The following USP32 variants were observed in gnomAD, a reference collection of about 807,000 sequenced individuals.
USP32 encodes ubiquitin carboxyl-terminal hydrolase 32.
USP32 carries 59 observed loss-of-function variants against 204.8 expected under a neutral mutation model. That is an observed-to-expected ratio of 0.29 (90% CI 0.23 to 0.36). USP32 has a LOEUF of 0.36. USP32 is among the 10% of genes least tolerant of loss of function. USP32 has a pLI of 1.00. For synonymous variants in USP32, 517 were observed against 678.4 expected (o/e 0.76, Z 3.70); for missense variants, 1,160 against 1,946.4 (o/e 0.60, Z 7.60).
Position 60,392,073 on chromosome 17 carries a change from G to C in USP32, c.-134C>G. On this transcript the variant is annotated 5_prime_UTR_variant, in exon 1 of 34. Transcript: ENST00000300896. ...CCCCCACCTCCCCCCACACTAACAA[G>C]TGCGGCTTCTGCCCCGGCGGCTCCT... 1.0e-6 allele frequency: 1 copy of C among 974,636 alleles called. No individual in the cohort carries two copies. The highest frequency in any genetic ancestry group is 1.4e-6 in the Non-Finnish European group (1 of 704,598). 60.4% of individuals were successfully genotyped at this position (974,636 alleles called of 1,614,324 possible). A position where few individuals can be genotyped will look rare whatever the true frequency, so the allele number is the denominator to read the frequency against.
At chr17:60,364,668 A>G (rs1478862102) in intron 1 of USP32, among the ~76,000 whole-genome samples, 1 of 152,208 alleles carries the variant, frequency 6.6e-6, no homozygotes, top group African/African-American at 2.4e-5. Flanking sequence ...GAGCCACCAC[A>G]CTCAGCAGCC....
intron 9 of USP32, among the ~76,000 whole-genome samples, chr17:60,259,364 G>A (rs1354876523): frequency 3.9e-5 from 6 of 151,954 alleles, no homozygotes; most frequent in African/African-American, 1.2e-4. Context: ...AACAATTCAC[G>A]TAACAATGCT....
intron 9 of USP32, chr17:60,258,404 T>C (rs935840009): frequency 1.4e-4 from 23 of 169,570 alleles, no homozygotes; most frequent in African/African-American, 4.1e-4. Flanking sequence ...AAAGGGAAGG[T>C]CTTTTAAACT....
chr17:60,190,457 T>C, intron 29 of USP32, 106 bp downstream of exon 29: 1 of 1,414,804 alleles, frequency 7.1e-7, no homozygotes. Context: ...AATGAAGGTT[T>C]TTCTGGTTGT....
At position 60,198,449 on chromosome 17, in the gene USP32, ATG is replaced by A; in HGVS notation, c.3250-7_3250-6del. 6.2e-7 allele frequency: 1 copy of A among 1,613,544 alleles called. No individual in the cohort carries two copies. Among genetic ancestry groups the A allele is most frequent in the Non-Finnish European group, 8.5e-7 (1 of 1,179,824 alleles). On this transcript the variant is annotated splice_region_variant and splice_polypyrimidine_tract_variant and intron_variant, in intron 26 of 33. Transcript: ENST00000300896. ...GAAATACAGTTCTGTCCTCATCTGT[ATG>A]TACAAACAAGAGAATAGAGAGTTCA...
intron 2 of USP32, among the ~76,000 whole-genome samples, chr17:60,323,189 CA>C (rs1362144333): frequency 6.6e-6 from 1 of 151,952 alleles, no homozygotes; most frequent in Admixed American, 6.6e-5. Flanking sequence ...CAAAGGTATA[CA>C]AATGTTCACA....
intron 27 of USP32, 132 bp from the exon 28 acceptor site, chr17:60,193,062 T>C: frequency 1.1e-6 from 1 of 881,538 alleles, no homozygotes; most frequent in South Asian, 1.6e-5. Context: ...GACAGCTCAA[T>C]GTTACTTACC....
At chr17:60,333,904 T>C (rs1011041795) in intron 2 of USP32, among the ~76,000 whole-genome samples, 2 of 152,182 alleles carry the variant, frequency 1.3e-5, no homozygotes, top group African/African-American at 4.8e-5. Context: ...TTCAATTTTT[T>C]CCTATAATGT....
chr17:60,403,311 C>T (rs757276503), intron 1 of USP32, among the ~76,000 whole-genome samples: 5 of 152,200 alleles, frequency 3.3e-5, no homozygotes, highest in Non-Finnish European at 5.9e-5. Context: ...CCACTGCGCC[C>T]AGCCAAGCTG....
At chr17:60,233,555 A>G (rs1205954390) in intron 12 of USP32, among the ~76,000 whole-genome samples, 1 of 152,146 alleles carries the variant, frequency 6.6e-6, no homozygotes, top group Non-Finnish European at 1.5e-5. Context: ...TATTACTCTA[A>G]TTTTACACAT....
intron 1 of USP32, among the ~76,000 whole-genome samples, chr17:60,404,385 C>T (rs568449394): frequency 2.0e-5 from 3 of 152,090 alleles, no homozygotes; most frequent in Admixed American, 6.5e-5. Context: ...TAATGTGATG[C>T]ACATGGAAGA....
At chr17:60,373,950 C>T (rs545735818) in intron 1 of USP32, among the ~76,000 whole-genome samples, 31 of 151,906 alleles carry the variant, frequency 2.0e-4, no homozygotes, top group African/African-American at 3.6e-4. Flanking sequence ...TTTGGGAGGC[C>T]GAGGTGGGCG....
At chr17:60,269,664 T>C in intron 6 of USP32, 107 bp from the exon 7 acceptor site, 1 of 847,632 alleles carries the variant, frequency 1.2e-6, no homozygotes, top group East Asian at 3.0e-5. Flanking sequence ...TGACTGAATT[T>C]TTTTTTAAGT....
chr17:60,230,236 A>G (rs892418069), intron 12 of USP32, among the ~76,000 whole-genome samples: 2 of 152,216 alleles, frequency 1.3e-5, no homozygotes, highest in African/African-American at 4.8e-5. Context: ...AAGGAGTAAT[A>G]TTTGGAATTG....
intron 29 of USP32, among the ~76,000 whole-genome samples, chr17:60,188,523 CATAA>C (rs2084302227): frequency 6.6e-6 from 1 of 152,050 alleles, no homozygotes; most frequent in African/African-American, 2.4e-5. Flanking sequence ...AGCTTGTTCC[CATAA>C]ATGTTAGCAA....
intron 2 of USP32, among the ~76,000 whole-genome samples, chr17:60,306,154 T>C (rs2087717609): frequency 6.6e-6 from 1 of 152,192 alleles, no homozygotes; most frequent in East Asian, 1.9e-4. Flanking sequence ...CTTTAACATT[T>C]AGAGAATATT....
rs973230937 is a variant in USP32 at position 60,367,126 on chromosome 17, C to G, written c.59-21518G>C. ...ACAGGCGTGAGCCACCGCGCCTAGC[C>G]TAAGCCCACTTTTGAAAAGAATCTC... On this transcript the variant is annotated intron_variant, in intron 1 of 33. Coordinates refer to ENST00000300896, the MANE Select transcript of USP32 (RefSeq NM_032582.4). Among the ~76,000 whole-genome samples the G allele has an allele frequency of 3.3e-5, 5 of 152,296 alleles. No homozygotes were observed. In the South Asian group the frequency reaches 1.0e-3, roughly 32 times the overall value.
At chr17:60,226,732 TG>T (rs1389407966) in intron 12 of USP32, among the ~76,000 whole-genome samples, 2 of 152,144 alleles carry the variant, frequency 1.3e-5, no homozygotes, top group African/African-American at 2.4e-5. Context: ...GAGTGGTGTA[TG>T]TACATAGAGT....
Position 60,223,411 on chromosome 17 carries a change from C to A in USP32, c.1608G>T (p.Lys536Asn). The A allele has an allele frequency of 1.9e-6, 3 of 1,603,002 alleles. No homozygotes were observed. The highest frequency in any genetic ancestry group is 2.5e-6 in the Non-Finnish European group (3 of 1,177,030). Residue 536 changes from lysine (K) to asparagine (N), a missense_variant and splice_region_variant, in exon 14 of 34, where the codon AAG becomes AAT. Lys to Asn is a moderately conservative substitution (Grantham distance 94). This residue lies in a region of USP32 where 536 missense variants were observed against 680.9 expected (regional missense o/e 0.79). Coordinates refer to ENST00000300896, the MANE Select transcript of USP32 (RefSeq NM_032582.4). ...NQPLVTQEPV[K>N]ATSLTLEGGR... The stretch of plus-strand genomic sequence containing the variant: ...TAAGTTTAGATGTAAAATTACTTAC[C>A]TTTACTGGTTCTTGAGTTACTAATG...
Sources: gnomAD v4.1 joint callset for allele counts (sites outside exome capture counted in the v4.1 genomes callset) on GRCh38, gnomAD v4.1.1 for gene constraint, gnomAD v4.1.1 regional missense constraint, MANE v1.5 for transcripts, NCBI Gene and HGNC (gene_info 2026-07-23, HGNC 2026-07-21) for gene names.